EXD3: variants seen among roughly 807,000 people sequenced by gnomAD.
EXD3 encodes the protein exonuclease mut-7 homolog.
Under a neutral mutation model 98.0 loss-of-function variants are expected in EXD3, and 92 were observed. The ratio of observed to expected loss-of-function variants is 0.94; its 90% CI spans 0.79 to 1.12. The LOEUF is 1.12. Among genes scored for constraint, EXD3 ranks in the 50% most tolerant of loss-of-function variants. The pLI, the probability that EXD3 is intolerant of heterozygous loss-of-function variation, is 0.00. For missense variants in EXD3, 1,222 were observed against 1,191.6 expected, an observed-to-expected ratio of 1.03 and a Z score of -0.38; for synonymous variants, 569 against 526.0, an observed-to-expected ratio of 1.08 and a Z score of -1.12.
intron 19 of EXD3, among the ~76,000 whole-genome samples, chr9:137,318,097 C>T (rs572904845): frequency 3.3e-5 from 5 of 152,168 alleles, no homozygotes; most frequent in Non-Finnish European, 7.4e-5. Context: ...ACTGGGGCCC[C>T]CAGGCTGGAT....
rs534229385 is a variant in EXD3 at position 137,337,462 on chromosome 9, C to A, written c.1998+10609G>T. Among the ~76,000 whole-genome samples, 358 of 152,148 alleles carry A rather than the reference C, an allele frequency of 2.4e-3. 2 individuals carry two copies. Among genetic ancestry groups the A allele is most frequent in the South Asian group, 8.1e-3 (39 of 4,818 alleles). On this transcript the variant is annotated intron_variant, in intron 17 of 21. Coordinates refer to ENST00000340951, the MANE Select transcript of EXD3 (RefSeq NM_017820.5). ...GGTCAGGAGTTCCAGACCAGCCTGGCCAATATGGTGAAACCCTATCTCTAC... is the reference window on the plus strand; with the variant it reads ...GGTCAGGAGTTCCAGACCAGCCTGGACAATATGGTGAAACCCTATCTCTAC...
In EXD3 at chr9:137,324,224, G is replaced by C; in HGVS notation, c.1999-81C>G. ...GGCCACCTCTGCTCGCCACCCCCTA[G>C]CTCCCCGGATCGTGGCCCTGCCCCA... On this transcript the variant is annotated intron_variant, in intron 17 of 21. Transcript: ENST00000340951. The surrounding 1 kb of genome is among the most constrained non-coding windows in gnomAD (Gnocchi z 4.1). 8.0e-7 allele frequency: 1 copy of C among 1,252,060 alleles called. No homozygotes were observed. The highest frequency in any genetic ancestry group is 1.3e-5 in the South Asian group (1 of 74,762). The allele number at this position is 1,252,060 out of a possible 1,614,324, so 77.6% of individuals were successfully genotyped here. A position where few individuals can be genotyped will look rare whatever the true frequency, so the allele number is the denominator to read the frequency against.
intron 19 of EXD3, among the ~76,000 whole-genome samples, chr9:137,316,373 G>A (rs1041945335): frequency 6.6e-6 from 1 of 152,048 alleles, no homozygotes; most frequent in Admixed American, 6.5e-5. Flanking sequence ...GTGTGCAGGG[G>A]GCCGAGACAC....
intron 19 of EXD3, among the ~76,000 whole-genome samples, chr9:137,320,590 G>A (rs1424515106): frequency 6.6e-6 from 1 of 152,178 alleles, no homozygotes. Context: ...CAAAGAGGCA[G>A]GGCGGACATG....
At chr9:137,414,674 T>C (rs2039917364) in intron 1 of EXD3, among the ~76,000 whole-genome samples, 3 of 152,206 alleles carry the variant, frequency 2.0e-5, no homozygotes, top group Non-Finnish European at 2.9e-5. Flanking sequence ...GGATTGTTCC[T>C]TTCCTTAACA....
Position 137,330,039 on chromosome 9 carries a change from C to T in EXD3, c.1999-5896G>A, listed in dbSNP as rs866409074. Reference sequence around the variant, plus strand: ...TACACAGGACTACACAGGACTACACCGGAGCTACACGGGACTACACAGGAG... The same window carrying T: ...TACACAGGACTACACAGGACTACACTGGAGCTACACGGGACTACACAGGAG... On this transcript the variant is annotated intron_variant, in intron 17 of 21. Transcript: ENST00000340951. 4.0e-5 allele frequency among the ~76,000 whole-genome samples: 3 copies of T among 75,364 alleles called. 1 individual carries two copies. In the South Asian group the frequency reaches 1.4e-3, roughly 36 times the overall value. The allele number at this position is 75,364 out of a possible 152,430, so 49.4% of individuals were successfully genotyped here. A position where few individuals can be genotyped will look rare whatever the true frequency, so the allele number is the denominator to read the frequency against.
intron 1 of EXD3, among the ~76,000 whole-genome samples, chr9:137,411,726 G>A (rs1185120675): frequency 7.3e-6 from 1 of 137,076 alleles, no homozygotes; most frequent in African/African-American, 2.6e-5. Context: ...GGGATGGGTG[G>A]GGGAGGGGGA....
At chr9:137,367,430 A>C in intron 6 of EXD3, 1 of 156,114 alleles carries the variant, frequency 6.4e-6, no homozygotes, top group Admixed American at 6.4e-5. Flanking sequence ...GCCCCTGCTT[A>C]ACCAGCAGGT....
intron 17 of EXD3, among the ~76,000 whole-genome samples, chr9:137,343,886 CCTTTT>C (rs1833783459): frequency 3.4e-5 from 3 of 89,100 alleles, no homozygotes; most frequent in Non-Finnish European, 6.2e-5. Context: ...CCGCGCCCGG[CCTTTT>C]TTTTTTTTTT....
chr9:137,322,815 C>A (rs1290341773), intron 19 of EXD3, among the ~76,000 whole-genome samples: 2 of 36,306 alleles, frequency 5.5e-5, no homozygotes, highest in African/African-American at 1.4e-4. Flanking sequence ...ACGAGGGATG[C>A]TCTGCCGACA....
intron 19 of EXD3, 34 bp from the exon 20 acceptor site, chr9:137,309,734 G>A (rs545732184): frequency 1.1e-5 from 16 of 1,502,578 alleles, no homozygotes; most frequent in African/African-American, 1.4e-5. Context: ...GGCCCAGGCG[G>A]GGCTTCTCCG....
intron 5 of EXD3, among the ~76,000 whole-genome samples, chr9:137,369,008 T>C (rs1835437213): frequency 8.3e-6 from 1 of 120,966 alleles, no homozygotes; most frequent in Admixed American, 8.3e-5. Flanking sequence ...GTGGGGGGGC[T>C]TCTCAGAGCC....
At chr9:137,339,232 A>T (rs544212808) in intron 17 of EXD3, among the ~76,000 whole-genome samples, 24 of 152,272 alleles carry the variant, frequency 1.6e-4, no homozygotes, top group African/African-American at 5.3e-4. Flanking sequence ...CAGTTTCAGG[A>T]GCAGATAATT....
At chr9:137,376,196 T>TAGCC (rs1279329991) in intron 3 of EXD3, among the ~76,000 whole-genome samples, 1 of 151,430 alleles carries the variant, frequency 6.6e-6, no homozygotes, top group African/African-American at 2.4e-5. Flanking sequence ...TACAAAAAAT[T>TAGCC]AGCCGGGCAT....
At chr9:137,330,403 G>GA (rs1438019658) in intron 17 of EXD3, among the ~76,000 whole-genome samples, 2 of 91,652 alleles carry the variant, frequency 2.2e-5, no homozygotes, top group Non-Finnish European at 2.4e-5. Context: ...AGCTACACAG[G>GA]GCTCCACAGG....
chr9:137,390,118 T>TAAAA (rs1166652082), intron 2 of EXD3, among the ~76,000 whole-genome samples: 1 of 5,558 alleles, frequency 1.8e-4, no homozygotes, highest in African/African-American at 4.3e-3. Flanking sequence ...CGAGACTCTG[T>TAAAA]CAAAAAAAAA....
At chr9:137,414,567 GCAT>G (rs1838150573) in intron 1 of EXD3, among the ~76,000 whole-genome samples, 1 of 152,172 alleles carries the variant, frequency 6.6e-6, no homozygotes, top group African/African-American at 2.4e-5. Context: ...TTTTACGCTA[GCAT>G]CGATAACACA....
chr9:137,375,913 CTG>C (rs1835875524), intron 3 of EXD3, among the ~76,000 whole-genome samples: 1 of 152,150 alleles, frequency 6.6e-6, no homozygotes, highest in Non-Finnish European at 1.5e-5. Context: ...GACTAAAGCT[CTG>C]AGAATGGGGA....
Position 137,347,590 on chromosome 9 carries a change from C to T in EXD3, c.1998+481G>A, listed in dbSNP as rs927619459. ...TCCTGAGTAGTTGGGATTACAGGCG[C>T]CCGCCACTACGCCTGGCTAATTTTT... On this transcript the variant is annotated intron_variant, in intron 17 of 21. Transcript: ENST00000340951. The surrounding 1 kb of genome is among the most constrained non-coding windows in gnomAD (Gnocchi z 4.2). Among the ~76,000 whole-genome samples, 1 of 151,996 alleles carries T rather than the reference C, an allele frequency of 6.6e-6. No homozygotes were observed. The highest frequency in any genetic ancestry group is 1.5e-5 in the Non-Finnish European group (1 of 68,000).
Sources: gnomAD v4.1 joint callset for allele counts (sites outside exome capture counted in the v4.1 genomes callset) on GRCh38, gnomAD v4.1.1 for gene constraint, Gnocchi (gnomAD v3.1) non-coding constraint, MANE v1.5 for transcripts, NCBI Gene and HGNC (gene_info 2026-07-23, HGNC 2026-07-21) for gene names.